The following CDYL variants were observed in gnomAD, a reference collection of about 807,000 sequenced individuals.
CDYL encodes the protein chromodomain Y like.
CDYL carries 8 observed loss-of-function variants against 47.3 expected under a neutral mutation model. The observed-to-expected ratio is 0.17, with a 90% CI of 0.10 to 0.31. CDYL has a LOEUF of 0.31. Ranked by LOEUF, CDYL falls within the 10% of genes least tolerant of loss-of-function variation. CDYL has a pLI of 1.00. For synonymous variants in CDYL, 266 were observed against 265.0 expected, an observed-to-expected ratio of 1.00 and a Z score of -0.04; for missense variants, 471 against 701.4, an observed-to-expected ratio of 0.67 and a Z score of 3.71.
intron 2 of CDYL, among the ~76,000 whole-genome samples, chr6:4,935,264 C>G (rs1304367859): frequency 6.6e-6 from 1 of 152,150 alleles, no homozygotes; most frequent in Non-Finnish European, 1.5e-5. Context: ...AGCTTCCTTT[C>G]AATAAGTACC....
chr6:4,894,882 T>C lies in CDYL; in HGVS notation c.691+2503T>C, dbSNP rs536730427. 2.2e-4 allele frequency among the ~76,000 whole-genome samples: 31 copies of C among 141,928 alleles called. 1 individual carries two copies. In the South Asian group the frequency reaches 5.7e-3, roughly 26 times the overall value. 93.1% of individuals were successfully genotyped at this position (141,928 alleles called of 152,430 possible). On this transcript the variant is annotated intron_variant, in intron 2 of 6. Coordinates refer to ENST00000397588, the MANE Select transcript of CDYL (RefSeq NM_004824.4). ...ATATGTGTATATACACACATGTGTA[T>C]GTGTGTGTATATATACACACGTACG...
At chr6:4,823,383 A>G (rs950699410) in intron 1 of CDYL, among the ~76,000 whole-genome samples, 3 of 152,196 alleles carry the variant, frequency 2.0e-5, no homozygotes, top group Non-Finnish European at 2.9e-5. Flanking sequence ...GTAAGAGTGC[A>G]TGGATACACA....
chr6:4,893,827 T>C (rs932796493), intron 2 of CDYL, among the ~76,000 whole-genome samples: 2 of 152,252 alleles, frequency 1.3e-5, no homozygotes, highest in African/African-American at 4.8e-5. Flanking sequence ...TAAAGCGAAG[T>C]GTTCACTAAG....
chr6:4,805,140 T>C (rs1029296129), intron 1 of CDYL, among the ~76,000 whole-genome samples: 3 of 152,216 alleles, frequency 2.0e-5, no homozygotes, highest in Admixed American at 2.0e-4. Context: ...CACTAAAAAC[T>C]AGTATATGCT....
intron 2 of CDYL, among the ~76,000 whole-genome samples, chr6:4,920,710 C>A (rs1581264952): frequency 6.6e-6 from 1 of 152,016 alleles, no homozygotes; most frequent in African/African-American, 2.4e-5. Flanking sequence ...CCTCTGCCTC[C>A]CAGGTTCAAG....
chr6:4,890,935 A>G (rs1254052649), intron 1 of CDYL, among the ~76,000 whole-genome samples: 1 of 152,236 alleles, frequency 6.6e-6, no homozygotes, highest in African/African-American at 2.4e-5. Flanking sequence ...ACTCTCGTTC[A>G]TGTGAGTAGC....
At chr6:4,764,617 C>A (rs1470591121) in intron 3 of CDYL, among the ~76,000 whole-genome samples, 1 of 152,086 alleles carries the variant, frequency 6.6e-6, no homozygotes, top group Non-Finnish European at 1.5e-5. Flanking sequence ...TCAAAGTAGA[C>A]AATGTAAAAA....
chr6:4,708,637 G>C (rs1757091695), intron 1 of CDYL, among the ~76,000 whole-genome samples: 1 of 152,126 alleles, frequency 6.6e-6, no homozygotes, highest in African/African-American at 2.4e-5. Flanking sequence ...TTTTTAAACA[G>C]TGAAATATAA....
intron 1 of CDYL, among the ~76,000 whole-genome samples, chr6:4,814,021 C>T (rs977326719): frequency 1.4e-4 from 21 of 151,098 alleles, no homozygotes; most frequent in Non-Finnish European, 2.7e-4. Flanking sequence ...CTCAAGTGAT[C>T]CACCCACCTT....
intron 3 of CDYL, among the ~76,000 whole-genome samples, chr6:4,745,266 A>C (rs938074378): frequency 2.0e-5 from 3 of 152,168 alleles, no homozygotes; most frequent in African/African-American, 7.2e-5. Flanking sequence ...GGCCTACCCC[A>C]GCCATACTTT....
chr6:4,716,284 A>C (rs1582272604), intron 2 of CDYL, among the ~76,000 whole-genome samples: 1 of 151,898 alleles, frequency 6.6e-6, no homozygotes, highest in South Asian at 2.1e-4. Context: ...ATGTAGTCAG[A>C]AATTGTTCAA....
At chr6:4,742,597 AAAGG>A (rs1757816850) in intron 3 of CDYL, among the ~76,000 whole-genome samples, 1 of 152,210 alleles carries the variant, frequency 6.6e-6, no homozygotes, top group Admixed American at 6.5e-5. Flanking sequence ...AAGAAAAGAA[AAAGG>A]AAGAGAGAAA....
At chr6:4,780,640 A>T (rs936914318) in intron 1 of CDYL, among the ~76,000 whole-genome samples, 13 of 152,138 alleles carry the variant, frequency 8.5e-5, no homozygotes, top group Non-Finnish European at 1.5e-5. Flanking sequence ...CTTTCTCATC[A>T]GTAAAATAGG....
chr6:4,723,436 C>G (rs1255013296), intron 2 of CDYL, among the ~76,000 whole-genome samples: 2 of 152,000 alleles, frequency 1.3e-5, no homozygotes, highest in East Asian at 3.9e-4. Context: ...GATCTGACGA[C>G]AGTGTCACAA....
chr6:4,717,708 A>C (rs1384137105), intron 2 of CDYL, among the ~76,000 whole-genome samples: 1 of 75,928 alleles, frequency 1.3e-5, no homozygotes, highest in East Asian at 5.0e-4. Context: ...CCTCACAAAA[A>C]AAAAAAAAAA....
chr6:4,757,022 G>C (rs957802253), intron 3 of CDYL, among the ~76,000 whole-genome samples: 2 of 152,180 alleles, frequency 1.3e-5, no homozygotes, highest in Admixed American at 6.5e-5. Flanking sequence ...TTCAAGTCTT[G>C]TGTGAGCATA....
chr6:4,873,483 G>A (rs142348131), intron 1 of CDYL, among the ~76,000 whole-genome samples: 1 of 152,230 alleles, frequency 6.6e-6, no homozygotes, highest in African/African-American at 2.4e-5. Context: ...TTTCATTGCT[G>A]TGGTATTTGG....
chr6:4,892,095 C>A lies in CDYL; in HGVS notation c.407C>A (p.Ala136Glu). The A allele has an allele frequency of 6.2e-7, 1 of 1,614,176 alleles. No homozygotes were observed. Among genetic ancestry groups the A allele is most frequent in the Non-Finnish European group, 8.5e-7 (1 of 1,180,034 alleles). Residue 136 changes from alanine (A) to glutamate (E), a missense_variant, in exon 2 of 7, where the codon GCG becomes GAG. By Grantham distance (107) the Ala-to-Glu change is moderately radical (BLOSUM62 -1). Around this residue, in one of 3 missense-constraint regions of CDYL, gnomAD observed 311 missense variants for 350.0 expected, o/e 0.89. Coordinates refer to ENST00000397588, the MANE Select transcript of CDYL (RefSeq NM_004824.4). ...TCCAGCCGGAAGAACATGGACCTAG[C>A]GAAGTCAGGTATCAAGATCCTCGTG... ...SLSSRKNMDL[A>E]KSGIKILVPK... is the part of the protein sequence containing the mutation.
intron 4 of CDYL, among the ~76,000 whole-genome samples, chr6:4,938,351 C>A (rs1287777375): frequency 6.6e-6 from 1 of 151,912 alleles, no homozygotes; most frequent in Non-Finnish European, 1.5e-5. Flanking sequence ...TCCTCCTTGT[C>A]CCTCACTCCC....
Sources: gnomAD v4.1 joint callset for allele counts (sites outside exome capture counted in the v4.1 genomes callset) on GRCh38, gnomAD v4.1.1 for gene constraint, gnomAD v4.1.1 regional missense constraint, MANE v1.5 for transcripts, NCBI Gene and HGNC (gene_info 2026-07-23, HGNC 2026-07-21) for gene names.